The following TLK1 variants were observed in gnomAD, a reference collection of about 807,000 sequenced individuals.
TLK1 encodes the protein tousled like kinase 1.
A neutral mutation model predicts 105.3 loss-of-function variants in TLK1; 24 were observed. The ratio of observed to expected loss-of-function variants is 0.23; its 90% CI spans 0.17 to 0.32. The LOEUF is 0.32. TLK1 is among the 10% of genes least tolerant of loss of function. The pLI, the probability that TLK1 is intolerant of heterozygous loss-of-function variation, is 1.00. For missense variants in TLK1, 558 were observed against 910.5 expected, an observed-to-expected ratio of 0.61 and a Z score of 4.98; for synonymous variants, 321 against 310.4, an observed-to-expected ratio of 1.03 and a Z score of -0.36.
intron 3 of TLK1, among the ~76,000 whole-genome samples, chr2:171,073,472 C>T (rs962667664): frequency 1.3e-5 from 2 of 152,060 alleles, no homozygotes; most frequent in Non-Finnish European, 2.9e-5. Flanking sequence ...GGGAGCCTGG[C>T]TACTCAAACA....
At chr2:171,158,763 C>G (rs1004474098) in intron 1 of TLK1, among the ~76,000 whole-genome samples, 1 of 151,998 alleles carries the variant, frequency 6.6e-6, no homozygotes, top group Non-Finnish European at 1.5e-5. Context: ...CATTTTAAAC[C>G]GTTCATTTAA....
chr2:171,210,823 G>A (rs1693600068), intron 1 of TLK1, among the ~76,000 whole-genome samples: 3 of 152,216 alleles, frequency 2.0e-5, no homozygotes, highest in African/African-American at 7.2e-5. Context: ...GTGAAATGTT[G>A]AGAAGAAATC....
At chr2:171,109,787 C>T (rs1575601950) in intron 2 of TLK1, among the ~76,000 whole-genome samples, 3 of 152,304 alleles carry the variant, frequency 2.0e-5, no homozygotes, top group African/African-American at 4.8e-5. Context: ...CAGTGGAATT[C>T]TATTCAGCAA....
At chr2:171,027,638 T>C (rs2105392312) in intron 12 of TLK1, among the ~76,000 whole-genome samples, 1 of 152,344 alleles carries the variant, frequency 6.6e-6, no homozygotes, top group Admixed American at 6.5e-5. Flanking sequence ...TGCTATTTAT[T>C]TACAATTGCT....
At chr2:171,220,827 C>T (rs1693795033) in intron 1 of TLK1, among the ~76,000 whole-genome samples, 1 of 151,830 alleles carries the variant, frequency 6.6e-6, no homozygotes, top group African/African-American at 2.4e-5. Context: ...CCCCTAAAAA[C>T]CCTATCCTAA....
At chr2:171,102,614 T>A (rs1689738926) in intron 2 of TLK1, among the ~76,000 whole-genome samples, 1 of 152,246 alleles carries the variant, frequency 6.6e-6, no homozygotes, top group African/African-American at 2.4e-5. Context: ...TAACTGTGTT[T>A]TAATAAATTC....
intron 12 of TLK1, among the ~76,000 whole-genome samples, chr2:171,020,586 G>A (rs1685448603): frequency 6.6e-6 from 1 of 150,846 alleles, no homozygotes; most frequent in African/African-American, 2.4e-5. Flanking sequence ...AGGAAGGGCA[G>A]TGCAAAAAAA....
chr2:171,220,717 T>A (rs1693792678), intron 1 of TLK1, among the ~76,000 whole-genome samples: 2 of 152,078 alleles, frequency 1.3e-5, no homozygotes, highest in African/African-American at 4.8e-5. Flanking sequence ...AAGATAGTGT[T>A]TGTTTTTTTT....
upstream of TLK1, among the ~76,000 whole-genome samples, chr2:171,164,211 TA>T (rs985196016): frequency 6.6e-6 from 1 of 151,928 alleles, no homozygotes; most frequent in African/African-American, 2.4e-5. Flanking sequence ...CACCAACCTT[TA>T]AAAAAAAGGC....
intron 20 of TLK1, among the ~76,000 whole-genome samples, chr2:170,994,483 A>ATT (rs907534594): frequency 7.4e-6 from 1 of 134,878 alleles, no homozygotes; most frequent in African/African-American, 2.8e-5. Flanking sequence ...TATAATCACT[A>ATT]TTTTTTTTTT....
At chr2:171,061,046 C>A (rs1266733680) in intron 4 of TLK1, 35 bp downstream of exon 4, 1 of 1,575,000 alleles carries the variant, frequency 6.3e-7, no homozygotes, top group East Asian at 2.2e-5. Context: ...TTTTAAGTGT[C>A]CACTAGGCTC....
chr2:171,080,556 T>C (rs1688705346), intron 3 of TLK1, among the ~76,000 whole-genome samples: 1 of 149,130 alleles, frequency 6.7e-6, no homozygotes, highest in Non-Finnish European at 1.5e-5. Context: ...ATAATAATAA[T>C]AATAATAATA....
At chr2:171,114,282 T>C (rs1690312188) in intron 2 of TLK1, among the ~76,000 whole-genome samples, 1 of 152,188 alleles carries the variant, frequency 6.6e-6, no homozygotes, top group African/African-American at 2.4e-5. Context: ...CTCCAGAGCC[T>C]GTGACTATGT....
intron 2 of TLK1, among the ~76,000 whole-genome samples, chr2:171,087,921 T>C (rs1558934834): frequency 3.3e-5 from 5 of 152,256 alleles, no homozygotes; most frequent in Middle Eastern, 6.8e-3. Flanking sequence ...TTGTTCTCAA[T>C]TCTAAAAAGT....
intron 7 of TLK1, chr2:171,054,103 C>T (rs1033831188): frequency 2.3e-5 from 7 of 305,796 alleles, no homozygotes; most frequent in South Asian, 5.6e-5. Context: ...TCAATATATC[C>T]GCTGCTTTGT....
In TLK1 at chr2:171,084,631, T is replaced by C. The variant is rs147186604; in HGVS notation, c.259-1779A>G. Reference sequence around the variant, plus strand: ...AGGCAAAAGAAAATTATGCAGGTCATAAAGGTATAAGAAAAAATAAAGTAA... The same window carrying C: ...AGGCAAAAGAAAATTATGCAGGTCACAAAGGTATAAGAAAAAATAAAGTAA... On this transcript the variant is annotated intron_variant, in intron 2 of 20. Transcript: ENST00000431350. Among the ~76,000 whole-genome samples, 737 of 152,090 alleles carry C rather than the reference T, an allele frequency of 4.8e-3. 8 individuals are homozygous for C. The highest frequency in any genetic ancestry group is 0.016 in the African/African-American group (677 of 41,494).
chr2:171,202,145 A>C (rs948301769), intron 1 of TLK1, among the ~76,000 whole-genome samples: 5 of 152,214 alleles, frequency 3.3e-5, no homozygotes, highest in Non-Finnish European at 5.9e-5. Flanking sequence ...ATAACAAATA[A>C]TTTTTGGGTA....
intron 4 of TLK1, chr2:171,060,055 A>G: frequency 6.3e-7 from 1 of 1,599,624 alleles, no homozygotes; most frequent in South Asian, 1.1e-5. Flanking sequence ...AAGGGGGGAA[A>G]AAACACTGAA....
intron 14 of TLK1, among the ~76,000 whole-genome samples, chr2:171,009,793 C>A (rs1684820038): frequency 6.6e-6 from 1 of 152,160 alleles, no homozygotes; most frequent in Non-Finnish European, 1.5e-5. Context: ...AAATAGCAGT[C>A]AGGATTTAAA....
Sources: allele counts gnomAD v4.1 joint callset (sites outside exome capture counted in the v4.1 genomes callset), GRCh38; gene constraint gnomAD v4.1.1; transcripts MANE v1.5; gene names NCBI Gene and HGNC (gene_info 2026-07-23, HGNC 2026-07-21).